ATP8B4: variants seen among roughly 807,000 people sequenced by gnomAD.
ATP8B4 encodes the protein ATPase phospholipid transporting 8B4 (putative).
A neutral mutation model predicts 145.6 loss-of-function variants in ATP8B4; 133 were observed. That is an observed-to-expected ratio of 0.91 (90% CI 0.79 to 1.05). The LOEUF is 1.05. ATP8B4 is among the 50% of genes least tolerant of loss of function. The pLI, the probability that ATP8B4 is intolerant of heterozygous loss-of-function variation, is 0.00. For synonymous variants in ATP8B4, 507 were observed against 492.9 expected, an observed-to-expected ratio of 1.03 and a Z score of -0.38; for missense variants, 1,458 against 1,425.2, an observed-to-expected ratio of 1.02 and a Z score of -0.37.
At chr15:49,964,881 T>A (rs1030692741) in intron 13 of ATP8B4, among the ~76,000 whole-genome samples, 1 of 152,102 alleles carries the variant, frequency 6.6e-6, no homozygotes, top group Non-Finnish European at 1.5e-5. Flanking sequence ...TATTATTAGA[T>A]CAATATGTGG....
chr15:49,994,416 G>A (rs1223021264), intron 9 of ATP8B4, among the ~76,000 whole-genome samples: 2 of 152,068 alleles, frequency 1.3e-5, no homozygotes, highest in Non-Finnish European at 2.9e-5. Flanking sequence ...CCCCCAATGG[G>A]ATTTGTAACT....
rs755159123 is a variant in ATP8B4, at chr15:50,114,103, C to CTTTTTTTTTTTTTTTT, written c.-43+5004_-43+5019dup. On this transcript the variant is annotated intron_variant, in intron 1 of 27. Transcript: ENST00000284509. ...ATTTTCCTTCTTGGTCTCCTAGTTT[C>CTTTTTTTTTTTTTTTT]TTTTTTTTTTTTTTTTTTTTTTTTT... Among the ~76,000 whole-genome samples the CTTTTTTTTTTTTTTTT allele has an allele frequency of 3.1e-3, 173 of 55,642 alleles. 9 individuals carry two copies. Among genetic ancestry groups the CTTTTTTTTTTTTTTTT allele is most frequent in the Non-Finnish European group, 4.0e-3 (129 of 31,904 alleles). 36.5% of individuals were successfully genotyped at this position (55,642 alleles called of 152,430 possible).
At chr15:49,979,875 G>C (rs2046002893) in intron 11 of ATP8B4, 62 bp from the exon 12 acceptor site, 2 of 1,223,924 alleles carry the variant, frequency 1.6e-6, no homozygotes, top group Admixed American at 2.2e-5. Context: ...ATATCAACAT[G>C]ATCTAATTAC....
chr15:49,892,614 T>A (rs186170236), intron 23 of ATP8B4, among the ~76,000 whole-genome samples: 29 of 152,328 alleles, frequency 1.9e-4, no homozygotes, highest in Admixed American at 1.8e-3. Flanking sequence ...TATAGAAGCA[T>A]CCATTCCACA....
intron 10 of ATP8B4, among the ~76,000 whole-genome samples, chr15:49,984,883 A>C (rs1229708021): frequency 2.0e-5 from 3 of 152,108 alleles, no homozygotes; most frequent in African/African-American, 7.2e-5. Flanking sequence ...AAATGAATAT[A>C]ATTCCTGCCC....
chr15:49,925,356 A>G (rs2040621484), intron 16 of ATP8B4, among the ~76,000 whole-genome samples: 1 of 152,136 alleles, frequency 6.6e-6, no homozygotes, highest in African/African-American at 2.4e-5. Context: ...CTGTTTCTGC[A>G]TTCATTCTGT....
intron 27 of ATP8B4, among the ~76,000 whole-genome samples, 199 bp from the exon 28 acceptor site, chr15:49,860,674 G>A (rs772653453): frequency 5.9e-4 from 89 of 152,104 alleles, no homozygotes; most frequent in Non-Finnish European, 5.4e-4. Flanking sequence ...TATCTCTATC[G>A]AGACACTATT....
chr15:49,951,840 C>A (rs1338509282), intron 14 of ATP8B4, among the ~76,000 whole-genome samples: 1 of 152,082 alleles, frequency 6.6e-6, no homozygotes, highest in Admixed American at 6.5e-5. Flanking sequence ...CGGGTTTTTC[C>A]TTTCCATATT....
intron 14 of ATP8B4, among the ~76,000 whole-genome samples, chr15:49,937,533 G>A (rs944887468): frequency 2.0e-5 from 3 of 152,110 alleles, no homozygotes; most frequent in Admixed American, 1.3e-4. Context: ...TGTGCATTCA[G>A]AAAACATGTA....
At chr15:50,061,100 T>C (rs2052982918) in intron 3 of ATP8B4, among the ~76,000 whole-genome samples, 1 of 152,162 alleles carries the variant, frequency 6.6e-6, no homozygotes, top group Non-Finnish European at 1.5e-5. Flanking sequence ...TACTCCGAGA[T>C]TTAGGCTAGA....
chr15:49,942,510 T>C (rs1453608104), intron 14 of ATP8B4, among the ~76,000 whole-genome samples: 1 of 151,750 alleles, frequency 6.6e-6, no homozygotes, highest in African/African-American at 2.4e-5. Flanking sequence ...TAAAGTGAAA[T>C]TGGAGAGAGC....
intron 20 of ATP8B4, among the ~76,000 whole-genome samples, chr15:49,910,992 A>G (rs1455069510): frequency 6.6e-6 from 1 of 152,106 alleles, no homozygotes; most frequent in Non-Finnish European, 1.5e-5. Flanking sequence ...CAAACACACC[A>G]ATGAGGAAGA....
At chr15:50,107,303 A>T (rs964215882) in intron 1 of ATP8B4, among the ~76,000 whole-genome samples, 1 of 152,226 alleles carries the variant, frequency 6.6e-6, no homozygotes, top group Non-Finnish European at 1.5e-5. Context: ...GAATCAGAAT[A>T]TCTCAGGGGT....
chr15:50,053,028 G>A (rs28672109), intron 3 of ATP8B4, among the ~76,000 whole-genome samples: 2,034 of 151,962 alleles, frequency 0.013, 49 homozygotes, highest in African/African-American at 0.047. Flanking sequence ...GCGATGAGGA[G>A]GTCTTTGCAT....
chr15:49,933,250 A>G (rs62020459), intron 15 of ATP8B4, among the ~76,000 whole-genome samples: 4,822 of 152,232 alleles, frequency 0.032, 110 homozygotes, highest in Middle Eastern at 0.054. Flanking sequence ...CACATGCAAT[A>G]TATTTAACAG....
chr15:50,091,167 T>G (rs892751087), intron 2 of ATP8B4, among the ~76,000 whole-genome samples: 3 of 152,132 alleles, frequency 2.0e-5, no homozygotes, highest in Non-Finnish European at 2.9e-5. Context: ...GGAAGTTCTG[T>G]TTGGACAAAT....
At chr15:49,893,864 T>C (rs2037100201) in intron 23 of ATP8B4, among the ~76,000 whole-genome samples, 1 of 152,232 alleles carries the variant, frequency 6.6e-6, no homozygotes, top group Non-Finnish European at 1.5e-5. Flanking sequence ...TTGTAACTAC[T>C]GAGCTAATAA....
At chr15:49,865,286 C>T (rs528044192) in intron 26 of ATP8B4, among the ~76,000 whole-genome samples, 12 of 152,314 alleles carry the variant, frequency 7.9e-5, no homozygotes, top group Admixed American at 3.3e-4. Flanking sequence ...GGCAGCATGC[C>T]TGGAAAGGGC....
At chr15:50,005,714 A>G (rs1008123789) in intron 7 of ATP8B4, among the ~76,000 whole-genome samples, 3 of 152,238 alleles carry the variant, frequency 2.0e-5, no homozygotes, top group African/African-American at 7.2e-5. Flanking sequence ...TCTGATCCCA[A>G]AATGTATGCT....
Sources: allele counts gnomAD v4.1 joint callset (sites outside exome capture counted in the v4.1 genomes callset), GRCh38; gene constraint gnomAD v4.1.1; transcripts MANE v1.5; gene names NCBI Gene and HGNC (gene_info 2026-07-23, HGNC 2026-07-21).